Variants in ENPP2 observed in about 807,000 individuals in gnomAD.
ENPP2 encodes ectonucleotide pyrophosphatase/phosphodiesterase 2, also known as autotaxin.
A neutral mutation model predicts 120.2 loss-of-function variants in ENPP2; 51 were observed. The ratio of observed to expected loss-of-function variants is 0.42; its 90% CI spans 0.34 to 0.54. ENPP2 has a LOEUF of 0.54. ENPP2 is among the 20% of genes least tolerant of loss of function. The pLI, the probability that ENPP2 is intolerant of heterozygous loss-of-function variation, is 0.04. For synonymous variants in ENPP2, 365 were observed against 366.4 expected (o/e 1.00, Z 0.04); for missense variants, 920 against 1,066.5 (o/e 0.86, Z 1.91).
At chr8:119,618,906 G>A (rs867160279) in intron 5 of ENPP2, among the ~76,000 whole-genome samples, 37 of 151,956 alleles carry the variant, frequency 2.4e-4, no homozygotes, top group African/African-American at 8.4e-4. Flanking sequence ...CGCAAAGTAG[G>A]CAAAACAAGA....
chr8:119,616,847 G>C (rs1317907802), intron 7 of ENPP2, among the ~76,000 whole-genome samples: 1 of 152,086 alleles, frequency 6.6e-6, no homozygotes, highest in Non-Finnish European at 1.5e-5. Context: ...TTAAAATATA[G>C]CCCTGAAGTC....
At chr8:119,614,998 T>C (rs183775382) in intron 8 of ENPP2, among the ~76,000 whole-genome samples, 127 of 152,322 alleles carry the variant, frequency 8.3e-4, no homozygotes, top group African/African-American at 2.9e-3. Flanking sequence ...AAGCTCATAT[T>C]TATCCTTGCA....
chr8:119,608,732 T>C (rs1323441507), intron 8 of ENPP2, among the ~76,000 whole-genome samples: 1 of 152,228 alleles, frequency 6.6e-6, no homozygotes, highest in African/African-American at 2.4e-5. Context: ...AATATCTTTG[T>C]GTTTCTGTTT....
At chr8:119,658,317 C>T (rs1046243752) in intron 1 of ENPP2, among the ~76,000 whole-genome samples, 6 of 152,222 alleles carry the variant, frequency 3.9e-5, no homozygotes, top group African/African-American at 7.2e-5. Context: ...GTCGCGCAAG[C>T]TGGAGTGCAG....
intron 11 of ENPP2, 118 bp from the exon 12 acceptor site, chr8:119,593,978 C>G: frequency 1.4e-6 from 1 of 703,204 alleles, no homozygotes. Flanking sequence ...AGAGGCAGAG[C>G]TTTGTCTGGG....
chr8:119,595,977 G>C (rs1334524977), intron 11 of ENPP2: 1 of 1,613,878 alleles, frequency 6.2e-7, no homozygotes, highest in Non-Finnish European at 8.5e-7. Flanking sequence ...CTTAGCCGGA[G>C]TAAAAGGTGA....
At chr8:119,580,878 G>C (rs1221555847) in intron 18 of ENPP2, 1 of 152,066 alleles carries the variant, frequency 6.6e-6, no homozygotes, top group East Asian at 1.9e-4. Flanking sequence ...GATACATATA[G>C]TATAATAGCA....
chr8:119,558,480 C>T (rs1303363840), intron 24 of ENPP2, among the ~76,000 whole-genome samples: 1 of 152,038 alleles, frequency 6.6e-6, no homozygotes, highest in Non-Finnish European at 1.5e-5. Context: ...GAATCTCTGC[C>T]TCAGCTGCTT....
At chr8:119,632,583 AC>A (rs549164564) in intron 2 of ENPP2, among the ~76,000 whole-genome samples, 240 of 152,344 alleles carry the variant, frequency 1.6e-3, no homozygotes, top group African/African-American at 5.6e-3. Flanking sequence ...GACATGTATA[AC>A]AACAATGCAA....
chr8:119,606,738 A>G (rs938030761), intron 9 of ENPP2, among the ~76,000 whole-genome samples: 2 of 152,142 alleles, frequency 1.3e-5, no homozygotes, highest in East Asian at 1.9e-4. Context: ...TAGAGAGTAT[A>G]GACAGTACCG....
chr8:119,670,005 T>G (rs941626600), intron 1 of ENPP2, among the ~76,000 whole-genome samples: 2 of 152,218 alleles, frequency 1.3e-5, no homozygotes, highest in Non-Finnish European at 2.9e-5. Context: ...TCTGGATGCC[T>G]TCTCTGGATC....
intron 8 of ENPP2, among the ~76,000 whole-genome samples, chr8:119,612,364 A>G (rs1244516696): frequency 6.6e-6 from 1 of 152,268 alleles, no homozygotes; most frequent in Non-Finnish European, 1.5e-5. Flanking sequence ...ACAATAAAAC[A>G]GATAAAAAGA....
chr8:119,651,549 C>T (rs1225734178), intron 1 of ENPP2, among the ~76,000 whole-genome samples: 1 of 152,068 alleles, frequency 6.6e-6, no homozygotes, highest in Non-Finnish European at 1.5e-5. Context: ...CTGGGAAGAC[C>T]TCAAAGGAAT....
In ENPP2 at chr8:119,574,795, T is replaced by A. The variant is rs575483137; in HGVS notation, c.1781-3954A>T. Among the ~76,000 whole-genome samples, 10 of 152,320 alleles carry A rather than the reference T, an allele frequency of 6.6e-5. 1 individual carries two copies. The highest frequency in any genetic ancestry group is 2.2e-4 in the African/African-American group (9 of 41,578). On this transcript the variant is annotated intron_variant, in intron 19 of 24. Transcript: ENST00000075322. ...TACCACAAAATCTCTACCCAAGATC[T>A]TTCCTTTTCTTGCATACTTTCTCCT...
chr8:119,629,440 G>A (rs1816506063), intron 2 of ENPP2, among the ~76,000 whole-genome samples: 1 of 152,170 alleles, frequency 6.6e-6, no homozygotes, highest in African/African-American at 2.4e-5. Flanking sequence ...GATGTTAAAT[G>A]TCACTTCTAG....
At chr8:119,669,579 G>A (rs960783641) in intron 1 of ENPP2, among the ~76,000 whole-genome samples, 6 of 152,184 alleles carry the variant, frequency 3.9e-5, no homozygotes, top group East Asian at 1.9e-4. Flanking sequence ...TCCACTATTC[G>A]CCACCTACTT....
At chr8:119,597,748 A>G (rs1301464916) in intron 11 of ENPP2, among the ~76,000 whole-genome samples, 2 of 152,234 alleles carry the variant, frequency 1.3e-5, no homozygotes, top group Non-Finnish European at 2.9e-5. Flanking sequence ...ATATTTTTGA[A>G]CATTCACCAT....
At chr8:119,667,434 A>G (rs1459684270) in intron 1 of ENPP2, among the ~76,000 whole-genome samples, 1 of 152,182 alleles carries the variant, frequency 6.6e-6, no homozygotes, top group African/African-American at 2.4e-5. Context: ...TCTTTCATTC[A>G]TTCATCCTGC....
At chr8:119,558,198 T>C (rs1813623578) in intron 24 of ENPP2, among the ~76,000 whole-genome samples, 3 of 152,196 alleles carry the variant, frequency 2.0e-5, no homozygotes. Flanking sequence ...CTAGAATGCA[T>C]AAATTGCTAT....
Sources: allele counts gnomAD v4.1 joint callset (sites outside exome capture counted in the v4.1 genomes callset), GRCh38; gene constraint gnomAD v4.1.1; transcripts MANE v1.5; gene names NCBI Gene and HGNC (gene_info 2026-07-23, HGNC 2026-07-21).